The following CD5L variants were observed in gnomAD, a reference collection of about 807,000 sequenced individuals.
CD5L encodes the protein CD5 molecule like.
Under a neutral mutation model 40.8 loss-of-function variants are expected in CD5L, and 39 were observed. The ratio of observed to expected loss-of-function variants is 0.96; its 90% CI spans 0.74 to 1.25. The LOEUF (loss-of-function observed/expected upper bound fraction) is 1.25, where lower values mean the gene tolerates loss of function less well. Among genes scored for constraint, CD5L ranks in the 50% most tolerant of loss-of-function variants. The probability of loss-of-function intolerance (pLI) is 0.00; values close to 1 mark genes in which losing one functional copy is unlikely to be tolerated. For synonymous variants in CD5L, 192 were observed against 169.6 expected (o/e 1.13, Z -1.03); for missense variants, 433 against 435.9 (o/e 0.99, Z 0.06).
chr1:157,840,613 T>C (rs1304951921), intron 1 of CD5L, among the ~76,000 whole-genome samples: 1 of 152,170 alleles, frequency 6.6e-6, no homozygotes, highest in East Asian at 1.9e-4. Flanking sequence ...ATTATACATA[T>C]GGGAATCATT....
downstream of CD5L, among the ~76,000 whole-genome samples, chr1:157,829,087 A>T (rs1655976586): frequency 1.3e-5 from 2 of 152,202 alleles, no homozygotes; most frequent in Admixed American, 1.3e-4. Context: ...AGTAAATTTG[A>T]TGTGTTTGAG....
At chr1:157,837,862 G>A (rs948192398) in intron 2 of CD5L, among the ~76,000 whole-genome samples, 3 of 145,420 alleles carry the variant, frequency 2.1e-5, no homozygotes, top group Non-Finnish European at 3.0e-5. Context: ...TGCAAGCTTC[G>A]CCTCCTGGGT....
intron 5 of CD5L, 27 bp downstream of exon 5, chr1:157,833,165 C>T (rs756866914): frequency 2.9e-5 from 46 of 1,567,292 alleles, no homozygotes; most frequent in Non-Finnish European, 3.9e-5. Flanking sequence ...CTTGCCAGCC[C>T]TTATGAACTC....
chr1:157,838,566 A>G (rs910815470), intron 2 of CD5L, among the ~76,000 whole-genome samples: 26 of 152,166 alleles, frequency 1.7e-4, no homozygotes, highest in Non-Finnish European at 1.0e-4. Context: ...ATAAAAAATA[A>G]AAAACAAAAA....
Position 157,835,826 on chromosome 1 carries a change from C to T in CD5L, c.376+9G>A. On this transcript the variant is annotated intron_variant, in intron 3 of 5. Coordinates refer to ENST00000368174, the MANE Select transcript of CD5L (RefSeq NM_005894.3). Reference sequence around the variant, plus strand: ...CTGGCAAGTGGTCCGGGACCCCTGCCATACTCACTCTCACACGATGCCCCA... The same window carrying T: ...CTGGCAAGTGGTCCGGGACCCCTGCTATACTCACTCTCACACGATGCCCCA... 1 of 1,601,412 alleles carries T rather than the reference C, an allele frequency of 6.2e-7. No individual in the cohort carries two copies. The highest frequency in any genetic ancestry group is 1.1e-5 in the South Asian group (1 of 89,062).
downstream of CD5L, among the ~76,000 whole-genome samples, chr1:157,829,921 C>A (rs1214397988): frequency 6.6e-6 from 1 of 152,192 alleles, no homozygotes; most frequent in Non-Finnish European, 1.5e-5. Flanking sequence ...ATGTTCCCCT[C>A]TGAGCATCTG....
intron 2 of CD5L, among the ~76,000 whole-genome samples, chr1:157,837,486 C>T (rs925704112): frequency 2.6e-5 from 4 of 152,184 alleles, no homozygotes; most frequent in African/African-American, 9.7e-5. Flanking sequence ...ATAGCAGAGG[C>T]TGAATTTGCC....
At chr1:157,829,195 A>C (rs1655981718), downstream of CD5L, among the ~76,000 whole-genome samples, 1 of 152,260 alleles carries the variant, frequency 6.6e-6, no homozygotes, top group African/African-American at 2.4e-5. Context: ...GATCATGCAC[A>C]GGCATTTAAG....
chr1:157,830,972 ATAAG>A lies in CD5L; in HGVS notation c.*988_*991del, dbSNP rs1437289896. 26 of 985,244 alleles carry A rather than the reference ATAAG, an allele frequency of 2.6e-5. No homozygotes were observed. Among genetic ancestry groups the A allele is most frequent in the Non-Finnish European group, 3.0e-5 (25 of 829,868 alleles). 61.0% of individuals were successfully genotyped at this position (985,244 alleles called of 1,614,324 possible). A position where few individuals can be genotyped will look rare whatever the true frequency, so the allele number is the denominator to read the frequency against. On this transcript the variant is annotated 3_prime_UTR_variant, in exon 6 of 6. Coordinates refer to ENST00000368174, the MANE Select transcript of CD5L (RefSeq NM_005894.3). ...GTAAATGTGTAAATGTAGCCGTATA[ATAAG>A]TACTCAGCCTAGCCTCAGAATCTAA... is the stretch of plus-strand genomic sequence containing the variant.
At chr1:157,835,713 G>A (rs1571451338) in intron 3 of CD5L, 122 bp downstream of exon 3, 3 of 748,620 alleles carry the variant, frequency 4.0e-6, no homozygotes, top group East Asian at 4.9e-5. Context: ...AGTATGAGAT[G>A]TGGGGGGTGA....
At chr1:157,835,784 C>T (rs1052356402) in intron 3 of CD5L, 51 bp downstream of exon 3, 13 of 1,472,490 alleles carry the variant, frequency 8.8e-6, no homozygotes, top group South Asian at 8.7e-5. Context: ...CAAGAGTGGC[C>T]GTGAGGGGTA....
chr1:157,838,614 T>TAA (rs143577278), intron 2 of CD5L, among the ~76,000 whole-genome samples: 5 of 150,954 alleles, frequency 3.3e-5, no homozygotes, highest in African/African-American at 1.2e-4. Flanking sequence ...AAGAAATAAA[T>TAA]AAAAAAAAAT....
chr1:157,837,115 T>C (rs900608042), intron 2 of CD5L, among the ~76,000 whole-genome samples: 2 of 151,804 alleles, frequency 1.3e-5, no homozygotes, highest in African/African-American at 4.8e-5. Flanking sequence ...AATAAATGAA[T>C]ACAAATATTA....
At chr1:157,839,954 A>G (rs1571455068) in intron 1 of CD5L, among the ~76,000 whole-genome samples, 1 of 152,220 alleles carries the variant, frequency 6.6e-6, no homozygotes, top group East Asian at 1.9e-4. Context: ...TGTCTGTTGC[A>G]ACCACTCAGC....
intron 1 of CD5L, among the ~76,000 whole-genome samples, chr1:157,840,314 G>A (rs1054837794): frequency 1.3e-5 from 2 of 152,086 alleles, no homozygotes; most frequent in Non-Finnish European, 2.9e-5. Flanking sequence ...ATGCTGTAGA[G>A]AGTCCTGGGC....
At chr1:157,837,625 G>A (rs1165696083) in intron 2 of CD5L, among the ~76,000 whole-genome samples, 1 of 152,160 alleles carries the variant, frequency 6.6e-6, no homozygotes. Flanking sequence ...GGCCACATGG[G>A]ATGACCCAGG....
intron 4 of CD5L, among the ~76,000 whole-genome samples, chr1:157,833,801 G>C (rs973662969): frequency 1.4e-5 from 2 of 147,522 alleles, no homozygotes; most frequent in African/African-American, 2.5e-5. Flanking sequence ...TAAGAGACAG[G>C]GTTTTCCATA....
chr1:157,835,911 T>C lies in CD5L; in HGVS notation c.300A>G (p.Glu100=). 2 of 1,614,236 alleles carry C rather than the reference T, an allele frequency of 1.2e-6. No individual in the cohort carries two copies. Among genetic ancestry groups the C allele is most frequent in the Non-Finnish European group, 1.7e-6 (2 of 1,180,040 alleles). ...LIQSVSCTGT[E]DTLAQCEQEE... is the part of the protein sequence containing the mutation. ...CTTGCTCACACTGAGCCAATGTATC[T>C]TCTGTTCCTGTGCAACTGACTGATT... Residue 100 remains glutamate (E), a synonymous_variant, in exon 3 of 6, where the codon GAA becomes GAG. Transcript: ENST00000368174.
chr1:157,829,732 G>A (rs1314464453), downstream of CD5L, among the ~76,000 whole-genome samples: 1 of 151,954 alleles, frequency 6.6e-6, no homozygotes, highest in Non-Finnish European at 1.5e-5. Context: ...ATATTATCTG[G>A]GGTTCTTTTG....
Sources: gnomAD v4.1 joint callset for allele counts (sites outside exome capture counted in the v4.1 genomes callset) on GRCh38, gnomAD v4.1.1 for gene constraint, MANE v1.5 for transcripts, NCBI Gene and HGNC (gene_info 2026-07-23, HGNC 2026-07-21) for gene names.